The following KAZN variants were observed in gnomAD, a reference collection of about 807,000 sequenced individuals.
KAZN encodes kazrin.
Under a neutral mutation model 87.4 loss-of-function variants are expected in KAZN, and 40 were observed. The ratio of observed to expected loss-of-function variants is 0.46; its 90% CI spans 0.36 to 0.60. The LOEUF (loss-of-function observed/expected upper bound fraction) is 0.60, where lower values mean the gene tolerates loss of function less well. Among genes scored for constraint, KAZN ranks in the 20% least tolerant of loss-of-function variants. The pLI is 0.00. For synonymous variants in KAZN, 466 were observed against 458.3 expected (o/e 1.02, Z -0.22); for missense variants, 898 against 1,073.9 (o/e 0.84, Z 2.29).
At chr1:14,723,888 G>T (rs1189881553) in intron 1 of KAZN, among the ~76,000 whole-genome samples, 1 of 152,172 alleles carries the variant, frequency 6.6e-6, no homozygotes, top group East Asian at 1.9e-4. Context: ...ACCCAGAGGT[G>T]ATGAAAAGAG....
At chr1:14,918,746 A>ATATATATC (rs1572827713) in intron 1 of KAZN, among the ~76,000 whole-genome samples, 1 of 129,816 alleles carries the variant, frequency 7.7e-6, no homozygotes, top group Non-Finnish European at 1.6e-5. Context: ...ATATATATAT[A>ATATATATC]TATCCTGGGA....
At chr1:14,632,919 T>C (rs924473266) in intron 1 of KAZN, among the ~76,000 whole-genome samples, 2 of 52,940 alleles carry the variant, frequency 3.8e-5, no homozygotes, top group African/African-American at 8.6e-5. Flanking sequence ...AAATGCACTT[T>C]ATTTATTTTT....
chr1:14,158,364 T>A (rs1185944467), intron 1 of KAZN, among the ~76,000 whole-genome samples: 2 of 152,132 alleles, frequency 1.3e-5, no homozygotes, highest in Non-Finnish European at 2.9e-5. Flanking sequence ...TAATCCTTTT[T>A]TCTGCTTGAT....
chr1:14,077,049 A>G (rs1020004578), intron 1 of KAZN, among the ~76,000 whole-genome samples: 7 of 151,980 alleles, frequency 4.6e-5, no homozygotes, highest in African/African-American at 1.7e-4. Context: ...TTACTTCCTG[A>G]TTGCTCTTCA....
chr1:15,060,139 A>T (rs1367985812), intron 5 of KAZN, 33 bp from the exon 6 acceptor site: 2 of 1,613,392 alleles, frequency 1.2e-6, no homozygotes, highest in South Asian at 2.2e-5. Context: ...CGTTCTCTCC[A>T]TCCCTCACTC....
At chr1:14,044,190 G>A (rs1396171170) in intron 1 of KAZN, among the ~76,000 whole-genome samples, 2 of 152,156 alleles carry the variant, frequency 1.3e-5, no homozygotes, top group East Asian at 3.9e-4. Context: ...CACCAATACT[G>A]TGTTTCTGTT....
chr1:14,386,219 G>A (rs1661874213), intron 2 of KAZN, among the ~76,000 whole-genome samples: 1 of 147,264 alleles, frequency 6.8e-6, no homozygotes, highest in Non-Finnish European at 1.5e-5. Flanking sequence ...CTGCACATGA[G>A]ATGGGTTTCC....
intron 1 of KAZN, among the ~76,000 whole-genome samples, chr1:13,979,231 C>T (rs1250060625): frequency 1.3e-5 from 2 of 152,004 alleles, no homozygotes; most frequent in Admixed American, 1.3e-4. Context: ...TAAAAGAAAA[C>T]TTAAAAAGCA....
rs886598522 is a variant in KAZN at position 14,460,340 on chromosome 1, G to A, written c.250-138643G>A. Among the ~76,000 whole-genome samples the A allele has an allele frequency of 1.5e-4, 23 of 152,204 alleles. 1 individual carries two copies. The highest frequency in any genetic ancestry group is 1.3e-3 in the Admixed American group (20 of 15,284). On this transcript the variant is annotated intron_variant, in intron 2 of 16. Transcript: ENST00000636203. ...GTCTGAGGCTTCCCTTATTCACATG[G>A]GCAAGTGTGCTAAGCCCAGCTGGCA...
At chr1:15,025,777 C>T (rs1236702058) in intron 2 of KAZN, among the ~76,000 whole-genome samples, 3 of 152,088 alleles carry the variant, frequency 2.0e-5, no homozygotes, top group Non-Finnish European at 4.4e-5. Flanking sequence ...GTTGGCTGCG[C>T]GAGCCGGTCA....
At chr1:14,347,667 T>C (rs1309934679) in intron 2 of KAZN, among the ~76,000 whole-genome samples, 1 of 152,108 alleles carries the variant, frequency 6.6e-6, no homozygotes, top group Non-Finnish European at 1.5e-5. Flanking sequence ...AAGTTATGTG[T>C]GTGAATATAT....
At chr1:13,972,386 A>T (rs1005206135) in intron 1 of KAZN, among the ~76,000 whole-genome samples, 7 of 149,144 alleles carry the variant, frequency 4.7e-5, no homozygotes, top group East Asian at 2.0e-4. Flanking sequence ...CCTACTTTTT[A>T]AAAATAAACA....
chr1:14,197,806 T>A (rs1024709525), intron 2 of KAZN, among the ~76,000 whole-genome samples: 6 of 152,114 alleles, frequency 3.9e-5, no homozygotes, highest in African/African-American at 1.4e-4. Flanking sequence ...GCTGATAGAT[T>A]CCCCCAGAAA....
intron 1 of KAZN, among the ~76,000 whole-genome samples, chr1:14,878,106 A>AGG (rs1020652427): frequency 6.6e-6 from 1 of 152,164 alleles, no homozygotes; most frequent in African/African-American, 2.4e-5. Context: ...TGTGTGACAG[A>AGG]GGGCACATCA....
intron 1 of KAZN, among the ~76,000 whole-genome samples, chr1:13,998,734 A>C (rs1487144914): frequency 6.6e-6 from 1 of 152,166 alleles, no homozygotes; most frequent in Non-Finnish European, 1.5e-5. Flanking sequence ...TTAGGAACCC[A>C]AAAAAGACTT....
chr1:14,729,486 T>C (rs7528350), intron 1 of KAZN, among the ~76,000 whole-genome samples: 6,469 of 152,290 alleles, frequency 0.042, 450 homozygotes, highest in African/African-American at 0.15. Context: ...GTATTAAGTC[T>C]GTGGTCCATA....
chr1:14,471,796 T>A (rs1244988428), intron 2 of KAZN, among the ~76,000 whole-genome samples: 1 of 152,176 alleles, frequency 6.6e-6, no homozygotes, highest in Non-Finnish European at 1.5e-5. Flanking sequence ...TGCCCACAAG[T>A]GTTCAGAAAG....
intron 4 of KAZN, among the ~76,000 whole-genome samples, chr1:15,047,035 T>G (rs1557752081): frequency 6.6e-6 from 1 of 152,182 alleles, no homozygotes; most frequent in Admixed American, 6.5e-5. Flanking sequence ...CTGTTTCCGC[T>G]CTGGCCAAGA....
intron 2 of KAZN, among the ~76,000 whole-genome samples, chr1:14,438,093 G>A (rs1469140793): frequency 2.4e-4 from 22 of 90,556 alleles, no homozygotes; most frequent in Admixed American, 8.1e-4. Context: ...TTTCCCTAAA[G>A]CCAAAAAAAA....
Sources: gnomAD v4.1 joint callset for allele counts (sites outside exome capture counted in the v4.1 genomes callset) on GRCh38, gnomAD v4.1.1 for gene constraint, MANE v1.5 for transcripts, NCBI Gene and HGNC (gene_info 2026-07-23, HGNC 2026-07-21) for gene names.